The following PCDH15 variants were observed in gnomAD, a reference collection of about 807,000 sequenced individuals.
PCDH15 encodes the protein protocadherin related 15.
Under a neutral mutation model 178.5 loss-of-function variants are expected in PCDH15, and 129 were observed. That is an observed-to-expected ratio of 0.72 (90% CI 0.63 to 0.84). The LOEUF (loss-of-function observed/expected upper bound fraction) is 0.84, where lower values mean the gene tolerates loss of function less well. Ranked by LOEUF, PCDH15 falls within the 40% of genes least tolerant of loss-of-function variation. PCDH15 has a pLI of 0.00. For missense variants in PCDH15, 2,230 were observed against 2,099.9 expected, an observed-to-expected ratio of 1.06 and a Z score of -1.21; for synonymous variants, 800 against 732.0, an observed-to-expected ratio of 1.09 and a Z score of -1.50.
At chr10:54,625,197 C>A (rs966048597) in intron 2 of PCDH15, among the ~76,000 whole-genome samples, 1 of 152,188 alleles carries the variant, frequency 6.6e-6, no homozygotes, top group Admixed American at 6.5e-5. Flanking sequence ...TACTTTACCA[C>A]AGAGACTGGG....
intron 4 of PCDH15, 54 bp downstream of exon 4, chr10:54,378,728 C>T: frequency 1.3e-6 from 2 of 1,550,440 alleles, no homozygotes; most frequent in Non-Finnish European, 1.8e-6. Flanking sequence ...CACACATAGA[C>T]ATTTAAATTA....
intron 15 of PCDH15, among the ~76,000 whole-genome samples, chr10:54,121,392 C>A (rs939031433): frequency 6.6e-6 from 1 of 151,926 alleles, no homozygotes; most frequent in East Asian, 1.9e-4. Context: ...AGTAGATAAA[C>A]AAGAACAAAC....
At chr10:54,143,435 A>G (rs1328913142) in intron 14 of PCDH15, among the ~76,000 whole-genome samples, 2 of 152,258 alleles carry the variant, frequency 1.3e-5, no homozygotes, top group African/African-American at 4.8e-5. Context: ...ATAATCAGCT[A>G]CAGTCTAGGG....
chr10:53,808,913 C>CA, intron 37 of PCDH15: 1 of 1,575,844 alleles, frequency 6.3e-7, no homozygotes, highest in South Asian at 1.2e-5. Flanking sequence ...TCTTGAGCTT[C>CA]AGGGTCTGTA....
chr10:55,050,449 T>C (rs1841130747), intron 2 of PCDH15, among the ~76,000 whole-genome samples: 1 of 152,026 alleles, frequency 6.6e-6, no homozygotes, highest in Non-Finnish European at 1.5e-5. Flanking sequence ...AACAAAACAC[T>C]GTCCTATGAG....
In PCDH15 at chr10:55,578,666, C is replaced by T. The variant is rs147335994; in HGVS notation, c.-156+48959G>A. Among the ~76,000 whole-genome samples, 528 of 152,212 alleles carry T rather than the reference C, an allele frequency of 3.5e-3. 7 individuals are homozygous for T. The highest frequency in any genetic ancestry group is 4.4e-3 in the Non-Finnish European group (299 of 68,018). On this transcript the variant is annotated intron_variant, in intron 2 of 5. Coordinates refer to the PCDH15 transcript ENST00000613346. ...TTCTCACACTGCTAATAAAGATATA[C>T]TCGAGACTGGGTAATTTATAAAGGA...
intron 2 of PCDH15, among the ~76,000 whole-genome samples, chr10:55,440,165 G>C (rs1839145804): frequency 6.6e-6 from 1 of 151,952 alleles, no homozygotes; most frequent in Non-Finnish European, 1.5e-5. Context: ...TAAACTGAGG[G>C]TGGTGATAGG....
intron 24 of PCDH15, 95 bp downstream of exon 24, chr10:53,940,771 C>T (rs1564819681): frequency 1.3e-5 from 12 of 905,192 alleles, no homozygotes; most frequent in Non-Finnish European, 1.8e-5. Flanking sequence ...TATTAGAAAA[C>T]AATAGAATAG....
chr10:55,468,056 A>G (rs903470653), intron 2 of PCDH15, among the ~76,000 whole-genome samples: 1 of 151,736 alleles, frequency 6.6e-6, no homozygotes, highest in African/African-American at 2.4e-5. Context: ...AACTGAGAGA[A>G]TCATATCCTC....
chr10:54,178,013 C>G (rs1457939794), intron 13 of PCDH15, among the ~76,000 whole-genome samples: 1 of 151,834 alleles, frequency 6.6e-6, no homozygotes, highest in Non-Finnish European at 1.5e-5. Context: ...AACTTGAGAA[C>G]AGATGAAAAA....
Position 55,209,718 on chromosome 10 carries a change from G to T in PCDH15, c.-155-43067C>A, listed in dbSNP as rs1018841793. 2.0e-5 allele frequency among the ~76,000 whole-genome samples: 3 copies of T among 151,894 alleles called. No individual in the cohort carries two copies. In the East Asian group the frequency reaches 5.8e-4, roughly 29 times the overall value. ...ACTAATAGAATTGAGAGTTGAGAAG[G>T]GGCATGGGAGAGATTATAAATTATG... On this transcript the variant is annotated intron_variant, in intron 1 of 5. Coordinates refer to the PCDH15 transcript ENST00000458638.
At chr10:54,786,103 CTGAAAG>C (rs563423891) in intron 1 of PCDH15, among the ~76,000 whole-genome samples, 19 of 152,056 alleles carry the variant, frequency 1.2e-4, no homozygotes, top group East Asian at 9.7e-4. Flanking sequence ...GGTGCAATTA[CTGAAAG>C]TGAAAGTCCC....
At chr10:54,610,615 A>C (rs550269831) in intron 2 of PCDH15, among the ~76,000 whole-genome samples, 4 of 151,958 alleles carry the variant, frequency 2.6e-5, no homozygotes, top group African/African-American at 9.6e-5. Context: ...CTTTCTATGA[A>C]TATTCTGTCT....
At chr10:54,463,303 T>C (rs561751380) in intron 3 of PCDH15, among the ~76,000 whole-genome samples, 42 of 152,168 alleles carry the variant, frequency 2.8e-4, no homozygotes, top group Non-Finnish European at 5.7e-4. Context: ...TAAGTGTCAT[T>C]TGCAATCTGA....
chr10:53,839,202 C>CA (rs758823713), intron 29 of PCDH15, among the ~76,000 whole-genome samples: 1,292 of 74,386 alleles, frequency 0.017, 94 homozygotes, highest in African/African-American at 0.049. Context: ...GTCTCCGTCT[C>CA]AAAAAAAAAA....
intron 7 of PCDH15, among the ~76,000 whole-genome samples, chr10:54,318,803 T>C (rs1564952873): frequency 6.6e-6 from 1 of 152,190 alleles, no homozygotes; most frequent in Non-Finnish European, 1.5e-5. Flanking sequence ...TTTTGACATA[T>C]TTATCAAAAG....
At chr10:55,050,959 T>C (rs936932318) in intron 2 of PCDH15, among the ~76,000 whole-genome samples, 19 of 152,236 alleles carry the variant, frequency 1.2e-4, no homozygotes, top group South Asian at 4.1e-4. Context: ...TGCTTTTCCA[T>C]AATTTTGCTT....
intron 1 of PCDH15, among the ~76,000 whole-genome samples, chr10:54,793,363 G>C (rs1163500950): frequency 1.3e-5 from 2 of 151,798 alleles, no homozygotes; most frequent in African/African-American, 4.8e-5. Flanking sequence ...GAGGCAATGA[G>C]GCAGTATAAG....
At chr10:55,067,637 AT>A (rs199554150) in intron 2 of PCDH15, among the ~76,000 whole-genome samples, 57 of 142,040 alleles carry the variant, frequency 4.0e-4, no homozygotes, top group Non-Finnish European at 5.5e-4. Flanking sequence ...TGATAGTTCT[AT>A]TTTTTTTTTT....
Sources: allele counts gnomAD v4.1 joint callset (sites outside exome capture counted in the v4.1 genomes callset), GRCh38; gene constraint gnomAD v4.1.1; transcripts MANE v1.5; gene names NCBI Gene and HGNC (gene_info 2026-07-23, HGNC 2026-07-21).